Variants in HMX2 observed in about 807,000 individuals in gnomAD.
The protein encoded by HMX2 is H6 family homeobox 2.
Under a neutral mutation model 21.2 loss-of-function variants are expected in HMX2, and 15 were observed. The ratio of observed to expected loss-of-function variants is 0.71; its 90% CI spans 0.47 to 1.09. The LOEUF is 1.09. HMX2 is among the 50% of genes least tolerant of loss of function. The pLI is 0.00. For synonymous variants in HMX2, 193 were observed against 181.0 expected, an observed-to-expected ratio of 1.07 and a Z score of -0.53; for missense variants, 440 against 381.5, an observed-to-expected ratio of 1.15 and a Z score of -1.28.
chr10:123,148,345 T>A lies in HMX2; in HGVS notation c.-34T>A. 1 of 1,606,458 alleles carries A rather than the reference T, an allele frequency of 6.2e-7. No homozygotes were observed. Among genetic ancestry groups the A allele is most frequent in the Non-Finnish European group, 8.5e-7 (1 of 1,176,186 alleles). ...TCACCCAGATCGTCTCTAAAGGGAG[T>A]TCTTGGTTTCCTTCGATTTCTTATG... is the stretch of plus-strand genomic sequence containing the variant. On this transcript the variant is annotated 5_prime_UTR_variant, in exon 1 of 2. Transcript: ENST00000339992.
rs1208169056 is a variant in HMX2, at chr10:123,149,640, C to G, written c.339C>G (p.His113Gln). The change falls in exon 2 of 2, where the codon CAC (histidine) becomes CAG (glutamine). Residue 113 changes from histidine (H) to glutamine (Q), a missense_variant. By Grantham distance (24) the His-to-Gln change is conservative. Transcript: ENST00000339992. The surrounding 1 kb of genome is among the most constrained non-coding windows in gnomAD (Gnocchi z 5.4). ...GCACGCCTTTCCTCTCTCCTTCGCA[C>G]TCGGACTTTAAAGAAGAGAAAGAGA... ...LERTPFLSPSHSDFKEEKERL... is the reference protein window; with the variant it reads ...LERTPFLSPSQSDFKEEKERL... The G allele has an allele frequency of 3.9e-6, 6 of 1,532,932 alleles. No individual in the cohort carries two copies. Among genetic ancestry groups the G allele is most frequent in the Non-Finnish European group, 5.2e-6 (6 of 1,147,554 alleles). 95.0% of individuals were successfully genotyped at this position (1,532,932 alleles called of 1,614,324 possible). A position where few individuals can be genotyped will look rare whatever the true frequency, so the allele number is the denominator to read the frequency against.
rs1452778430 is a variant in HMX2 at position 123,148,707 on chromosome 10, C to T, written c.268+61C>T. 7 of 1,566,442 alleles carry T rather than the reference C, an allele frequency of 4.5e-6. No individual in the cohort carries two copies. In the Admixed American group the frequency reaches 1.4e-4, roughly 32 times the overall value. Reference sequence around the variant, plus strand: ...AGCGCGAGGGGAGGGAGGCTGAGCGCCCCGCCAAGACTCCCGCGCCGGGCC... The same window carrying T: ...AGCGCGAGGGGAGGGAGGCTGAGCGTCCCGCCAAGACTCCCGCGCCGGGCC... On this transcript the variant is annotated intron_variant, in intron 1 of 1. Coordinates refer to ENST00000339992, the MANE Select transcript of HMX2 (RefSeq NM_005519.2).
Position 123,150,134 on chromosome 10 carries a change from G to C in HMX2, c.*11G>C. On this transcript the variant is annotated 3_prime_UTR_variant, in exon 2 of 2. Coordinates refer to ENST00000339992, the MANE Select transcript of HMX2 (RefSeq NM_005519.2). This position sits in a 1 kb window ranked among gnomAD's most constrained non-coding sequence, Gnocchi z 4.2. ...AAGCTCGACTACTGACCGGCCCGCC[G>C]CCCCGCGCCGCCCCCAGCTGCCCGC... The C allele has an allele frequency of 6.6e-7, 1 of 1,509,306 alleles. No individual in the cohort carries two copies. The highest frequency in any genetic ancestry group is 8.9e-7 in the Non-Finnish European group (1 of 1,128,588). The allele number at this position is 1,509,306 out of a possible 1,614,324, so 93.5% of individuals were successfully genotyped here. A position where few individuals can be genotyped will look rare whatever the true frequency, so the allele number is the denominator to read the frequency against.
chr10:123,149,424 G>C lies in HMX2; in HGVS notation c.269-146G>C. ...AAGGACGGGGTGCTGGGTTTGGGGG[G>C]CCAGTGAGAGGGATAAGAGGAGGGG... On this transcript the variant is annotated intron_variant, in intron 1 of 1. Transcript: ENST00000339992. This position sits in a 1 kb window ranked among gnomAD's most constrained non-coding sequence, Gnocchi z 5.4. 1 of 556,366 alleles carries C rather than the reference G, an allele frequency of 1.8e-6. No individual in the cohort carries two copies. Among genetic ancestry groups the C allele is most frequent in the Non-Finnish European group, 2.9e-6 (1 of 345,364 alleles). 34.5% of individuals were successfully genotyped at this position (556,366 alleles called of 1,614,324 possible). A position where few individuals can be genotyped will look rare whatever the true frequency, so the allele number is the denominator to read the frequency against.
chr10:123,149,637 G>A lies in HMX2; in HGVS notation c.336G>A (p.Ser112=), dbSNP rs896410936. The A allele has an allele frequency of 1.3e-6, 2 of 1,524,064 alleles. No homozygotes were observed. The highest frequency in any genetic ancestry group is 1.7e-6 in the Non-Finnish European group (2 of 1,143,498). The allele number at this position is 1,524,064 out of a possible 1,614,324, so 94.4% of individuals were successfully genotyped here. ...AGCGCACGCCTTTCCTCTCTCCTTC[G>A]CACTCGGACTTTAAAGAAGAGAAAG... ...GLERTPFLSP[S]HSDFKEEKER... The change falls in exon 2 of 2, where the codon TCG becomes TCA. Residue 112 remains serine (S), a synonymous_variant. Transcript: ENST00000339992. This position sits in a 1 kb window ranked among gnomAD's most constrained non-coding sequence, Gnocchi z 5.4.
In HMX2 at chr10:123,148,516, C is replaced by G. The variant is rs761469225; in HGVS notation, c.138C>G (p.Ser46Arg). 1.9e-6 allele frequency: 3 copies of G among 1,612,888 alleles called. No homozygotes were observed. Among genetic ancestry groups the G allele is most frequent in the African/African-American group, 1.3e-5 (1 of 74,912 alleles). Residue 46 changes from serine to arginine, a missense_variant, in exon 1 of 2, where the codon AGC becomes AGG. Ser to Arg is a moderately radical substitution (Grantham distance 110). Transcript: ENST00000339992. ...EPVGWPARKR[S>R]LSVSSEEEEP... ...TCGGCTGGCCAGCCAGGAAGCGCAG[C>G]CTGTCCGTGTCCTCGGAGGAGGAGG... is the stretch of plus-strand genomic sequence containing the variant.
rs1001652693 is a variant in HMX2, at chr10:123,148,265, G to C, written c.-114G>C. The C allele has an allele frequency of 8.2e-6, 8 of 981,476 alleles. No homozygotes were observed. Among genetic ancestry groups the C allele is most frequent in the African/African-American group, 6.7e-5 (4 of 59,818 alleles). The allele number at this position is 981,476 out of a possible 1,614,324, so 60.8% of individuals were successfully genotyped here. On this transcript the variant is annotated 5_prime_UTR_variant, in exon 1 of 2. An upstream open reading frame in the 5' UTR loses its in-frame stop. Transcript: ENST00000339992. ...CCAGCCTCGGCGCCCCCTCCCCCTA[G>C]ATTTCCTCCCCGCCCCTCCCCACTG... is the stretch of plus-strand genomic sequence containing the variant.
rs1488697086 is a variant in HMX2, at chr10:123,148,490, G to C, written c.112G>C (p.Val38Leu). 2 of 1,612,304 alleles carry C rather than the reference G, an allele frequency of 1.2e-6. No homozygotes were observed. The highest frequency in any genetic ancestry group is 2.2e-5 in the East Asian group (1 of 44,856). The change falls in exon 1 of 2, where the codon GTC becomes CTC. Residue 38 changes from valine (V) to leucine (L), a missense_variant. By Grantham distance (32) the Val-to-Leu change is conservative (BLOSUM62 1). Coordinates refer to ENST00000339992, the MANE Select transcript of HMX2 (RefSeq NM_005519.2). ...CCCCTCGGAGGCACCGCGGGAGCCCGTCGGCTGGCCAGCCAGGAAGCGCAG... is the reference window on the plus strand; with the variant it reads ...CCCCTCGGAGGCACCGCGGGAGCCCCTCGGCTGGCCAGCCAGGAAGCGCAG... ...GGPSEAPREP[V>L]GWPARKRSLS...
chr10:123,150,183 T>A lies in HMX2; in HGVS notation c.*60T>A. On this transcript the variant is annotated 3_prime_UTR_variant, in exon 2 of 2. Transcript: ENST00000339992. This position sits in a 1 kb window ranked among gnomAD's most constrained non-coding sequence, Gnocchi z 4.2. ...GCAGAGCCGGGCGCGTACTGTACTG[T>A]AAGCAGGGCTCCGGAGCAAGGCGGC... The A allele has an allele frequency of 2.2e-6, 3 of 1,363,028 alleles. No homozygotes were observed. Among genetic ancestry groups the A allele is most frequent in the Non-Finnish European group, 2.9e-6 (3 of 1,026,644 alleles). The allele number at this position is 1,363,028 out of a possible 1,614,324, so 84.4% of individuals were successfully genotyped here.
rs750929881 is a variant in HMX2 at position 123,148,457 on chromosome 10, G to T, written c.79G>T (p.Gly27Cys). 1.2e-6 allele frequency: 2 copies of T among 1,613,228 alleles called. No homozygotes were observed. The highest frequency in any genetic ancestry group is 1.7e-6 in the Non-Finnish European group (2 of 1,179,576). Residue 27 changes from glycine (G) to cysteine (C), a missense_variant, in exon 1 of 2, where the codon GGC (glycine) becomes TGC (cysteine). Transcript: ENST00000339992. The part of the protein sequence containing the change: ...VSSFTIQSIL[G>C]GGPSEAPREP... ...CAGCTTCACCATCCAGTCCATCCTG[G>T]GCGGGGGCCCCTCGGAGGCACCGCG...
Position 123,148,213 on chromosome 10 carries a change from T to A in HMX2, c.-166T>A. 1.4e-6 allele frequency: 1 copy of A among 713,490 alleles called. No homozygotes were observed. The highest frequency in any genetic ancestry group is 3.0e-5 in the Admixed American group (1 of 33,780). The allele number at this position is 713,490 out of a possible 1,614,324, so 44.2% of individuals were successfully genotyped here. On this transcript the variant is annotated 5_prime_UTR_variant, in exon 1 of 2. An upstream start codon of the reference 5' UTR is lost. Transcript: ENST00000339992. ...CCTGCGCAGCCATCCGGTGCCTGCA[T>A]GTCCCTGGCGCGGAAGGGACGCCTC...
intron 1 of HMX2, among the ~76,000 whole-genome samples, chr10:123,148,913 G>T (rs1439869991): frequency 6.6e-6 from 1 of 152,222 alleles, no homozygotes; most frequent in African/African-American, 2.4e-5. Context: ...GGGACACGCG[G>T]CCGGCCTTAC....
chr10:123,148,281 C>T lies in HMX2; in HGVS notation c.-98C>T, dbSNP rs1844221255. On this transcript the variant is annotated 5_prime_UTR_variant, in exon 1 of 2. Transcript: ENST00000339992. The stretch of plus-strand genomic sequence containing the variant: ...CTCCCCCTAGATTTCCTCCCCGCCC[C>T]TCCCCACTGCCTGCCTGCTGCACCA... 3 of 1,337,820 alleles carry T rather than the reference C, an allele frequency of 2.2e-6. No individual in the cohort carries two copies. Among genetic ancestry groups the T allele is most frequent in the Non-Finnish European group, 3.1e-6 (3 of 953,686 alleles). 82.9% of individuals were successfully genotyped at this position (1,337,820 alleles called of 1,614,324 possible). A position where few individuals can be genotyped will look rare whatever the true frequency, so the allele number is the denominator to read the frequency against.
In HMX2 at chr10:123,149,582, G is replaced by A. The variant is rs748020554; in HGVS notation, c.281G>A (p.Gly94Asp). The change falls in exon 2 of 2, where the codon GGC becomes GAC. Residue 94 changes from glycine to aspartate, a missense_variant. Transcript: ENST00000339992. This position sits in a 1 kb window ranked among gnomAD's most constrained non-coding sequence, Gnocchi z 5.4. ...IPFPCLGTPK[G>D]SGGSGPGGLE... is the part of the protein sequence containing the mutation. ...TCTCGCTCCTCAGGTACCCCCAAGG[G>A]CAGCGGAGGCTCGGGCCCGGGCGGC... The A allele has an allele frequency of 6.9e-7, 1 of 1,455,320 alleles. No individual in the cohort carries two copies. The highest frequency in any genetic ancestry group is 9.0e-7 in the Non-Finnish European group (1 of 1,107,080). 90.2% of individuals were successfully genotyped at this position (1,455,320 alleles called of 1,614,324 possible).
rs752064138 is a variant in HMX2 at position 123,150,130 on chromosome 10, C to G, written c.*7C>G. ...CAACAAGCTCGACTACTGACCGGCC[C>G]GCCGCCCCGCGCCGCCCCCAGCTGC... On this transcript the variant is annotated 3_prime_UTR_variant, in exon 2 of 2. Coordinates refer to ENST00000339992, the MANE Select transcript of HMX2 (RefSeq NM_005519.2). This position sits in a 1 kb window ranked among gnomAD's most constrained non-coding sequence, Gnocchi z 4.2. The G allele has an allele frequency of 2.7e-6, 4 of 1,508,406 alleles. No homozygotes were observed. The highest frequency in any genetic ancestry group is 3.5e-6 in the Non-Finnish European group (4 of 1,127,992). 93.4% of individuals were successfully genotyped at this position (1,508,406 alleles called of 1,614,324 possible).
chr10:123,149,888 G>T lies in HMX2; in HGVS notation c.587G>T (p.Trp196Leu). The T allele has an allele frequency of 6.2e-7, 1 of 1,612,370 alleles. No individual in the cohort carries two copies. Among genetic ancestry groups the T allele is most frequent in the Non-Finnish European group, 8.5e-7 (1 of 1,179,608 alleles). ...LQLTETQVKT[W>L]FQNRRNKWKR... ...CTCACGGAGACCCAGGTAAAGACTT[G>T]GTTCCAGAACCGCCGCAACAAGTGG... The change falls in exon 2 of 2, where the codon TGG (tryptophan) becomes TTG (leucine). Residue 196 changes from tryptophan (W) to leucine (L), a missense_variant. Trp to Leu is a moderately conservative substitution (Grantham distance 61, BLOSUM62 -2). Transcript: ENST00000339992. This position sits in a 1 kb window ranked among gnomAD's most constrained non-coding sequence, Gnocchi z 5.4.
chr10:123,150,000 G>T lies in HMX2; in HGVS notation c.699G>T (p.Arg233=). ...QTLVSMPLVF[R]DSSLLRVPVP... is the part of the protein sequence containing the mutation. ...TGGTGAGCATGCCGCTGGTGTTCCG[G>T]GACAGTTCGCTGCTGCGCGTGCCGG... Residue 233 remains arginine (R), a synonymous_variant, in exon 2 of 2, where the codon CGG becomes CGT. Transcript: ENST00000339992. The surrounding 1 kb of genome is among the most constrained non-coding windows in gnomAD (Gnocchi z 5.4). The T allele has an allele frequency of 8.1e-6, 13 of 1,610,592 alleles. No homozygotes were observed. The highest frequency in any genetic ancestry group is 1.1e-5 in the Non-Finnish European group (13 of 1,179,184).
chr10:123,150,390 G>A lies in HMX2; in HGVS notation c.*267G>A, dbSNP rs1311513097. 6.2e-6 allele frequency: 2 copies of A among 321,272 alleles called. No individual in the cohort carries two copies. Among genetic ancestry groups the A allele is most frequent in the East Asian group, 1.1e-4 (2 of 18,956 alleles). 19.9% of individuals were successfully genotyped at this position (321,272 alleles called of 1,614,324 possible). ...AAACCATTCGGAGTGAGATGTTCTC[G>A]GGTGGTGGTGGGAAAGGGAGTTTTG... On this transcript the variant is annotated 3_prime_UTR_variant, in exon 2 of 2. Coordinates refer to ENST00000339992, the MANE Select transcript of HMX2 (RefSeq NM_005519.2). The surrounding 1 kb of genome is among the most constrained non-coding windows in gnomAD (Gnocchi z 4.2).
Position 123,149,886 on chromosome 10 carries a change from T to A in HMX2, c.585T>A (p.Thr195=). 3 of 1,612,570 alleles carry A rather than the reference T, an allele frequency of 1.9e-6. No homozygotes were observed. The highest frequency in any genetic ancestry group is 2.5e-6 in the Non-Finnish European group (3 of 1,179,730). The stretch of plus-strand genomic sequence containing the variant: ...AGCTCACGGAGACCCAGGTAAAGAC[T>A]TGGTTCCAGAACCGCCGCAACAAGT... ...SLQLTETQVK[T]WFQNRRNKWK... is the part of the protein sequence containing the mutation. The change falls in exon 2 of 2, where the codon ACT becomes ACA. Residue 195 remains threonine, a synonymous_variant. Coordinates refer to ENST00000339992, the MANE Select transcript of HMX2 (RefSeq NM_005519.2). This position sits in a 1 kb window ranked among gnomAD's most constrained non-coding sequence, Gnocchi z 5.4.
Sources: allele counts gnomAD v4.1 joint callset (sites outside exome capture counted in the v4.1 genomes callset), GRCh38; gene constraint gnomAD v4.1.1; non-coding constraint Gnocchi (gnomAD v3.1); transcripts MANE v1.5; gene names NCBI Gene and HGNC (gene_info 2026-07-23, HGNC 2026-07-21).